RBFOX1: variants seen among roughly 807,000 people sequenced by gnomAD.
RBFOX1 encodes RNA binding fox-1 homolog 1.
RBFOX1 carries 8 observed loss-of-function variants against 57.7 expected under a neutral mutation model. The ratio of observed to expected loss-of-function variants is 0.14; its 90% CI spans 0.08 to 0.25. The LOEUF (loss-of-function observed/expected upper bound fraction) is 0.25. RBFOX1 is among the 10% of genes least tolerant of loss of function. The probability of loss-of-function intolerance (pLI) is 1.00; values close to 1 mark genes in which losing one functional copy is unlikely to be tolerated. For synonymous variants in RBFOX1, 326 were observed against 222.4 expected (o/e 1.47, Z -4.15); for missense variants, 611 against 548.5 (o/e 1.11, Z -1.14).
At chr16:5,963,205 A>G (rs952471355) in intron 4 of RBFOX1, among the ~76,000 whole-genome samples, 1 of 152,224 alleles carries the variant, frequency 6.6e-6, no homozygotes, top group East Asian at 1.9e-4. Context: ...ATGCTGCTGT[A>G]TCAAACCCCA....
chr16:5,805,726 C>T (rs1411538003), intron 3 of RBFOX1, among the ~76,000 whole-genome samples: 1 of 152,126 alleles, frequency 6.6e-6, no homozygotes, highest in South Asian at 2.1e-4. Flanking sequence ...ATGAATGTGG[C>T]TTTCAGTAAT....
intron 3 of RBFOX1, among the ~76,000 whole-genome samples, chr16:5,757,807 G>C (rs2053453136): frequency 6.6e-6 from 1 of 152,192 alleles, no homozygotes; most frequent in African/African-American, 2.4e-5. Context: ...AGATTCTTCA[G>C]CTTGTCATCT....
intron 4 of RBFOX1, among the ~76,000 whole-genome samples, chr16:7,111,737 T>C (rs917584884): frequency 1.3e-5 from 2 of 148,604 alleles, no homozygotes; most frequent in African/African-American, 5.1e-5. Flanking sequence ...TATAAAATTA[T>C]TCTGATTGTT....
At chr16:7,186,705 G>A (rs992371775) in intron 4 of RBFOX1, among the ~76,000 whole-genome samples, 1 of 148,330 alleles carries the variant, frequency 6.7e-6, no homozygotes, top group Non-Finnish European at 1.5e-5. Flanking sequence ...AAGTTTCATG[G>A]TATCTAGGAA....
rs559971934 is a variant in RBFOX1, at chr16:6,701,369, A to G, written c.-16+46719A>G. Reference sequence around the variant, plus strand: ...GAGATGCATCTCCCTGTTTACCATCATCTTACTGACTCCACAAAGTGGGAA... The same window carrying G: ...GAGATGCATCTCCCTGTTTACCATCGTCTTACTGACTCCACAAAGTGGGAA... On this transcript the variant is annotated intron_variant, in intron 3 of 15. Transcript: ENST00000550418. Among the ~76,000 whole-genome samples the G allele has an allele frequency of 3.9e-5, 6 of 152,340 alleles. No individual in the cohort carries two copies. The East Asian group carries it at 1.2e-3, about 29-fold the overall frequency.
chr16:6,429,060 C>T lies in RBFOX1; in HGVS notation c.-64+112003C>T. 1.3e-5 allele frequency among the ~76,000 whole-genome samples: 2 copies of T among 152,198 alleles called. 1 individual carries two copies. The highest frequency in any genetic ancestry group is 1.3e-4 in the Admixed American group (2 of 15,280). On this transcript the variant is annotated intron_variant, in intron 2 of 15. Coordinates refer to ENST00000550418, the MANE Select transcript of RBFOX1 (RefSeq NM_018723.4). Reference sequence around the variant, plus strand: ...TCCTGGAAGAGGAGAAGGTGCGCCCCTCCCACTGATTAGGCAGGCATCCTT... The same window carrying T: ...TCCTGGAAGAGGAGAAGGTGCGCCCTTCCCACTGATTAGGCAGGCATCCTT...
chr16:5,478,916 G>A (rs1276317309), intron 2 of RBFOX1, among the ~76,000 whole-genome samples: 3 of 152,186 alleles, frequency 2.0e-5, no homozygotes, highest in Non-Finnish European at 4.4e-5. Context: ...TTAGGGATGA[G>A]GGCAGAGGTG....
chr16:6,539,623 C>T (rs1227390607), intron 2 of RBFOX1, among the ~76,000 whole-genome samples: 1 of 151,988 alleles, frequency 6.6e-6, no homozygotes, highest in African/African-American at 2.4e-5. Flanking sequence ...CATGGTGGAA[C>T]CCCATCTCTA....
intron 3 of RBFOX1, among the ~76,000 whole-genome samples, chr16:5,746,094 C>A (rs1416426346): frequency 6.6e-6 from 1 of 152,158 alleles, no homozygotes; most frequent in African/African-American, 2.4e-5. Flanking sequence ...AGTCTTGAAT[C>A]CATCTTGAAT....
chr16:6,985,223 T>C (rs2153599052), intron 3 of RBFOX1, among the ~76,000 whole-genome samples: 1 of 152,268 alleles, frequency 6.6e-6, no homozygotes, highest in South Asian at 2.1e-4. Context: ...TTTTTTTCTC[T>C]GGCCTCTTGT....
rs1037590608 is a variant in RBFOX1, at chr16:7,546,662, A to G, written c.270+28273A>G. 4.6e-5 allele frequency among the ~76,000 whole-genome samples: 7 copies of G among 152,200 alleles called. No homozygotes were observed. In the East Asian group the frequency reaches 9.6e-4, roughly 21 times the overall value. On this transcript the variant is annotated intron_variant, in intron 5 of 15. Coordinates refer to ENST00000550418, the MANE Select transcript of RBFOX1 (RefSeq NM_018723.4). The stretch of plus-strand genomic sequence containing the variant: ...GGATTTCTCTTTAACTTAAAATACC[A>G]TACATACAATTCCGAGTCATTATTC...
intron 1 of RBFOX1, among the ~76,000 whole-genome samples, chr16:5,430,746 T>A (rs1180741368): frequency 6.6e-6 from 1 of 152,234 alleles, no homozygotes; most frequent in Admixed American, 6.5e-5. Context: ...AGACGCCTCA[T>A]TGTAGTAATA....
intron 4 of RBFOX1, among the ~76,000 whole-genome samples, chr16:7,069,925 A>C (rs2056973002): frequency 6.6e-6 from 1 of 152,220 alleles, no homozygotes; most frequent in Non-Finnish European, 1.5e-5. Flanking sequence ...ACGGAAACTA[A>C]AATAGTACAT....
intron 3 of RBFOX1, among the ~76,000 whole-genome samples, chr16:6,754,813 C>T (rs994913618): frequency 1.3e-5 from 2 of 152,072 alleles, no homozygotes; most frequent in Non-Finnish European, 2.9e-5. Context: ...ATTAACTCGT[C>T]ATTTAGCATT....
At chr16:7,174,641 G>A (rs753376004) in intron 4 of RBFOX1, among the ~76,000 whole-genome samples, 5 of 152,068 alleles carry the variant, frequency 3.3e-5, no homozygotes, top group Non-Finnish European at 5.9e-5. Context: ...TTAGCCAGGC[G>A]TGGTGGTGGG....
rs182112523 is a variant in RBFOX1, at chr16:6,790,716, C to T, written c.-16+136066C>T. Among the ~76,000 whole-genome samples the T allele has an allele frequency of 1.7e-3, 257 of 152,206 alleles. 1 individual carries two copies. The highest frequency in any genetic ancestry group is 3.7e-3 in the Admixed American group (56 of 15,292). ...TTTCAGTTCAGTCTTGGCTCTCCAT[C>T]CCTCCTCTTCTTCTTCTCCTGTGTC... On this transcript the variant is annotated intron_variant, in intron 3 of 15. Coordinates refer to ENST00000550418, the MANE Select transcript of RBFOX1 (RefSeq NM_018723.4).
chr16:6,104,082 C>G (rs1009884328), intron 1 of RBFOX1, among the ~76,000 whole-genome samples: 2 of 151,788 alleles, frequency 1.3e-5, no homozygotes. Flanking sequence ...TCCTGAATAG[C>G]AACAGTCATA....
chr16:5,967,803 A>T (rs567522660), intron 4 of RBFOX1, among the ~76,000 whole-genome samples: 8 of 152,252 alleles, frequency 5.3e-5, no homozygotes, highest in Admixed American at 2.0e-4. Flanking sequence ...TAATACTCAG[A>T]CTACGTCAGT....
intron 4 of RBFOX1, among the ~76,000 whole-genome samples, chr16:7,501,307 A>G (rs774535061): frequency 7.9e-5 from 12 of 152,214 alleles, no homozygotes; most frequent in Non-Finnish European, 1.5e-4. Context: ...TTAAATTATC[A>G]GCTCTCTCTC....
Sources: gnomAD v4.1 joint callset for allele counts (sites outside exome capture counted in the v4.1 genomes callset) on GRCh38, gnomAD v4.1.1 for gene constraint, MANE v1.5 for transcripts, NCBI Gene and HGNC (gene_info 2026-07-23, HGNC 2026-07-21) for gene names.